The following NAV2 variants were observed in gnomAD, a reference collection of about 807,000 sequenced individuals.
The protein encoded by NAV2 is neuron navigator 2, also known as helicase, APC down-regulated 1.
A neutral mutation model predicts 223.2 loss-of-function variants in NAV2; 54 were observed. The observed-to-expected ratio is 0.24, with a 90% CI of 0.19 to 0.30. The LOEUF is 0.30. Ranked by LOEUF, NAV2 falls within the 10% of genes least tolerant of loss-of-function variation. The pLI, the probability that NAV2 is intolerant of heterozygous loss-of-function variation, is 1.00. For synonymous variants in NAV2, 1,279 were observed against 1,239.3 expected, an observed-to-expected ratio of 1.03 and a Z score of -0.67; for missense variants, 2,806 against 3,147.5, an observed-to-expected ratio of 0.89 and a Z score of 2.60.
chr11:19,472,023 T>C (rs1022727647), intron 1 of NAV2, among the ~76,000 whole-genome samples: 2 of 152,228 alleles, frequency 1.3e-5, no homozygotes, highest in African/African-American at 4.8e-5. Context: ...GCTTTTAAAC[T>C]TAATTATGTA....
intron 10 of NAV2, among the ~76,000 whole-genome samples, chr11:19,961,323 G>A (rs1241305909): frequency 6.6e-6 from 1 of 152,124 alleles, no homozygotes; most frequent in Non-Finnish European, 1.5e-5. Context: ...TCAAGGGCCA[G>A]CAGCTACAGA....
intron 17 of NAV2, among the ~76,000 whole-genome samples, chr11:20,052,784 A>C (rs1387979462): frequency 6.6e-6 from 1 of 152,072 alleles, no homozygotes; most frequent in Non-Finnish European, 1.5e-5. Context: ...TAGCTCACCC[A>C]CTCCATACAC....
intron 1 of NAV2, among the ~76,000 whole-genome samples, chr11:19,415,557 C>G (rs1285901230): frequency 6.6e-6 from 1 of 152,156 alleles, no homozygotes. Context: ...CTATTCCAAA[C>G]AGTAGAAAAA....
intron 1 of NAV2, among the ~76,000 whole-genome samples, chr11:19,562,107 A>G (rs2045120913): frequency 1.3e-5 from 2 of 152,214 alleles, no homozygotes; most frequent in African/African-American, 2.4e-5. Flanking sequence ...GTGGTAATAT[A>G]CCCATTTTAC....
intron 3 of NAV2, among the ~76,000 whole-genome samples, chr11:19,848,617 A>T (rs993283246): frequency 3.9e-5 from 6 of 152,180 alleles, no homozygotes; most frequent in Non-Finnish European, 7.3e-5. Context: ...TAGTAACAGT[A>T]TTTGCCTCAT....
At chr11:19,363,342 T>C (rs113512590) in intron 1 of NAV2, among the ~76,000 whole-genome samples, 3,222 of 152,310 alleles carry the variant, frequency 0.021, 124 homozygotes, top group African/African-American at 0.073. Context: ...TAGTATTCCA[T>C]GGTGTACATG....
intron 1 of NAV2, among the ~76,000 whole-genome samples, chr11:19,653,856 G>A (rs1028874823): frequency 7.9e-5 from 12 of 152,136 alleles, no homozygotes; most frequent in Non-Finnish European, 1.6e-4. Context: ...TGAGAAGACT[G>A]ATACCTGAGC....
At chr11:19,991,248 C>T (rs1377898975) in intron 11 of NAV2, among the ~76,000 whole-genome samples, 2 of 152,206 alleles carry the variant, frequency 1.3e-5, no homozygotes, top group East Asian at 1.9e-4. Flanking sequence ...GTCTCAGCCT[C>T]CCAAGTAGCT....
At chr11:19,394,824 G>A (rs1004113265) in intron 1 of NAV2, among the ~76,000 whole-genome samples, 1 of 152,246 alleles carries the variant, frequency 6.6e-6, no homozygotes, top group South Asian at 2.1e-4. Context: ...GGGGATTGAG[G>A]CCTCATCACA....
chr11:20,067,119 C>T (rs1397545859), intron 20 of NAV2, among the ~76,000 whole-genome samples: 1 of 152,156 alleles, frequency 6.6e-6, no homozygotes, highest in Non-Finnish European at 1.5e-5. Flanking sequence ...GTAAGAGGGG[C>T]AGCAGAGTTC....
chr11:19,738,569 C>G (rs2052532144), intron 1 of NAV2, among the ~76,000 whole-genome samples: 1 of 152,180 alleles, frequency 6.6e-6, no homozygotes, highest in Non-Finnish European at 1.5e-5. Flanking sequence ...AGACCCCGCC[C>G]CCAGTATCCT....
At chr11:19,722,395 C>T (rs2050817250) in intron 1 of NAV2, among the ~76,000 whole-genome samples, 1 of 152,204 alleles carries the variant, frequency 6.6e-6, no homozygotes, top group Non-Finnish European at 1.5e-5. Flanking sequence ...TGATTGGAAG[C>T]AAGCTTTTCT....
intron 11 of NAV2, among the ~76,000 whole-genome samples, chr11:19,993,254 A>T (rs905378705): frequency 1.1e-4 from 16 of 152,210 alleles, no homozygotes; most frequent in African/African-American, 3.6e-4. Context: ...AGGTCAGTGG[A>T]AGGCTATTTG....
intron 1 of NAV2, among the ~76,000 whole-genome samples, chr11:19,592,730 C>T (rs2046096592): frequency 6.6e-6 from 1 of 152,036 alleles, no homozygotes. Context: ...ACTAAGATGA[C>T]TTGTATGAAG....
chr11:19,436,502 T>C (rs143380807), intron 1 of NAV2, among the ~76,000 whole-genome samples: 55 of 152,342 alleles, frequency 3.6e-4, no homozygotes, highest in African/African-American at 1.2e-3. Context: ...TGAAATCTTG[T>C]AGTGTGATGC....
chr11:19,771,904 AC>A (rs1400250935), intron 1 of NAV2, among the ~76,000 whole-genome samples: 2 of 151,762 alleles, frequency 1.3e-5, no homozygotes, highest in East Asian at 1.9e-4. Flanking sequence ...ACAGCCTTCA[AC>A]CCCCTGCAGA....
At chr11:19,863,226 C>T (rs1032655354) in intron 3 of NAV2, among the ~76,000 whole-genome samples, 7 of 152,192 alleles carry the variant, frequency 4.6e-5, no homozygotes, top group East Asian at 3.9e-4. Flanking sequence ...CCCTTGCTTT[C>T]GCTCCTTCTC....
chr11:20,063,851 T>C (rs1394372138), intron 20 of NAV2, among the ~76,000 whole-genome samples: 3 of 152,212 alleles, frequency 2.0e-5, no homozygotes, highest in South Asian at 2.1e-4. Flanking sequence ...ATACACTGTG[T>C]ATAGCTCCTG....
rs534316198 is a variant in NAV2 at position 19,470,344 on chromosome 11, G to A, written c.75+119317G>A. Among the ~76,000 whole-genome samples the A allele has an allele frequency of 3.3e-5, 5 of 152,318 alleles. No homozygotes were observed. In the South Asian group the frequency reaches 1.0e-3, roughly 32 times the overall value. Reference sequence around the variant, plus strand: ...CAAGGGACAATTTACCAAGCCATGTGCAGGTGTCTCAATCAATGTTATACT... The same window carrying A: ...CAAGGGACAATTTACCAAGCCATGTACAGGTGTCTCAATCAATGTTATACT... On this transcript the variant is annotated intron_variant, in intron 1 of 37. Transcript: ENST00000360655.
Sources: gnomAD v4.1 joint callset for allele counts (sites outside exome capture counted in the v4.1 genomes callset) on GRCh38, gnomAD v4.1.1 for gene constraint, MANE v1.5 for transcripts, NCBI Gene and HGNC (gene_info 2026-07-23, HGNC 2026-07-21) for gene names.